The following SLC5A4 variants were observed in gnomAD, a reference collection of about 807,000 sequenced individuals.
SLC5A4 encodes probable glucose sensor protein SLC5A4.
SLC5A4 carries 55 observed loss-of-function variants against 70.3 expected under a neutral mutation model. The observed-to-expected ratio is 0.78, with a 90% CI of 0.63 to 0.98. The LOEUF (loss-of-function observed/expected upper bound fraction) is 0.98. Among genes scored for constraint, SLC5A4 ranks in the 50% least tolerant of loss-of-function variants. The probability of loss-of-function intolerance (pLI) is 0.00; values close to 1 mark genes in which losing one functional copy is unlikely to be tolerated. For synonymous variants in SLC5A4, 268 were observed against 305.7 expected (o/e 0.88, Z 1.29); for missense variants, 735 against 839.2 (o/e 0.88, Z 1.53).
the SLC5A4 span, among the ~76,000 whole-genome samples, chr22:32,289,921 T>C: frequency 6.6e-6 from 1 of 152,198 alleles, no homozygotes; most frequent in African/African-American, 2.4e-5. Context: ...CAAAAATGAA[T>C]TGAGGCCATT....
intron 13 of SLC5A4, among the ~76,000 whole-genome samples, chr22:32,221,276 T>C (rs1286458153): frequency 6.6e-6 from 1 of 152,238 alleles, no homozygotes; most frequent in Non-Finnish European, 1.5e-5. Context: ...TACCTACTTC[T>C]GGATTTGTAA....
chr22:32,334,268 G>A, the SLC5A4 span, among the ~76,000 whole-genome samples: 4 of 152,016 alleles, frequency 2.6e-5, no homozygotes, highest in African/African-American at 9.7e-5. Flanking sequence ...CTCTCCCCTG[G>A]TGCTGGCGTC....
chr22:32,237,895 A>G (rs1448941703), intron 6 of SLC5A4, among the ~76,000 whole-genome samples: 3 of 151,876 alleles, frequency 2.0e-5, no homozygotes, highest in South Asian at 4.2e-4. Flanking sequence ...TGAGAGTGTC[A>G]TGAGAAAATA....
At chr22:32,256,257 A>G (rs1927480523), upstream of SLC5A4, among the ~76,000 whole-genome samples, 1 of 152,104 alleles carries the variant, frequency 6.6e-6, no homozygotes, top group Non-Finnish European at 1.5e-5. Context: ...ATAGTGAGCC[A>G]TGATCACGCC....
chr22:32,305,949 C>T, the SLC5A4 span, among the ~76,000 whole-genome samples: 1 of 151,844 alleles, frequency 6.6e-6, no homozygotes, highest in African/African-American at 2.4e-5. Context: ...CGTCCACCTG[C>T]CATTGGCATT....
chr22:32,281,611 C>G, the SLC5A4 span, among the ~76,000 whole-genome samples: 1 of 152,226 alleles, frequency 6.6e-6, no homozygotes, highest in East Asian at 1.9e-4. Context: ...TCACTGCTGC[C>G]TGGAATTCCT....
chr22:32,292,306 T>C, the SLC5A4 span, among the ~76,000 whole-genome samples: 1 of 140,018 alleles, frequency 7.1e-6, no homozygotes, highest in Non-Finnish European at 1.5e-5. Context: ...CTAGATATTA[T>C]ATATATTTTT....
At chr22:32,324,278 T>TA in the SLC5A4 span, among the ~76,000 whole-genome samples, 1 of 151,656 alleles carries the variant, frequency 6.6e-6, no homozygotes, top group Non-Finnish European at 1.5e-5. Context: ...TATATATATA[T>TA]ACACACATAT....
the SLC5A4 span, among the ~76,000 whole-genome samples, chr22:32,306,188 G>A: frequency 5.9e-5 from 9 of 152,270 alleles, no homozygotes; most frequent in Middle Eastern, 3.4e-3. Context: ...TATATAGGCC[G>A]GGCGCGGTGG....
At chr22:32,338,096 CGAT>C in the SLC5A4 span, among the ~76,000 whole-genome samples, 15 of 152,062 alleles carry the variant, frequency 9.9e-5, no homozygotes, top group Non-Finnish European at 1.6e-4. Flanking sequence ...CTTAAATCAG[CGAT>C]GATATTGCTT....
At chr22:32,337,533 AAAAAGAAAAAAAAG>A in the SLC5A4 span, among the ~76,000 whole-genome samples, 3 of 147,898 alleles carry the variant, frequency 2.0e-5, no homozygotes, top group African/African-American at 7.3e-5. Context: ...GACTGTCTCC[AAAAAGAAAAAAAAG>A]AAAAGAAAAA....
the SLC5A4 span, among the ~76,000 whole-genome samples, chr22:32,338,394 G>A: frequency 1.4e-5 from 2 of 143,678 alleles, no homozygotes; most frequent in Non-Finnish European, 3.0e-5. Context: ...CACGCCTGTA[G>A]TTCTAGCACT....
the SLC5A4 span, among the ~76,000 whole-genome samples, chr22:32,346,509 T>C: frequency 2.0e-5 from 3 of 151,444 alleles, no homozygotes; most frequent in South Asian, 4.2e-4. Context: ...AAACGAGATA[T>C]AGACCAATGG....
chr22:32,341,733 A>G, the SLC5A4 span, among the ~76,000 whole-genome samples: 1 of 152,094 alleles, frequency 6.6e-6, no homozygotes, highest in Non-Finnish European at 1.5e-5. Context: ...CAACCTCTTC[A>G]TTTCCTACAC....
chr22:32,334,743 G>A, the SLC5A4 span, among the ~76,000 whole-genome samples: 22 of 152,334 alleles, frequency 1.4e-4, no homozygotes, highest in Non-Finnish European at 1.9e-4. Context: ...TGGGGAGGAC[G>A]TCAGCGGCAC....
At chr22:32,350,216 G>A in the SLC5A4 span, among the ~76,000 whole-genome samples, 1 of 152,234 alleles carries the variant, frequency 6.6e-6, no homozygotes, top group South Asian at 2.1e-4. Context: ...AAAGACTACC[G>A]AAATAATTCA....
chr22:32,220,521 GC>G (rs1453012671), intron 14 of SLC5A4, among the ~76,000 whole-genome samples: 1 of 152,162 alleles, frequency 6.6e-6, no homozygotes, highest in Non-Finnish European at 1.5e-5. Context: ...AGGGAGCTTG[GC>G]GCATGTGGAA....
chr22:32,326,604 G>T, the SLC5A4 span, among the ~76,000 whole-genome samples: 1 of 152,106 alleles, frequency 6.6e-6, no homozygotes, highest in African/African-American at 2.4e-5. Flanking sequence ...GAAAGGAGGA[G>T]ATGCTATTAA....
At chr22:32,226,507 G>A (rs980347014) in intron 11 of SLC5A4, among the ~76,000 whole-genome samples, 6 of 152,182 alleles carry the variant, frequency 3.9e-5, no homozygotes, top group Non-Finnish European at 8.8e-5. Flanking sequence ...AGCAGTTGTG[G>A]GGTGGAGGAA....
Sources: gnomAD v4.1 joint callset for allele counts (sites outside exome capture counted in the v4.1 genomes callset) on GRCh38, gnomAD v4.1.1 for gene constraint, MANE v1.5 for transcripts, NCBI Gene and HGNC (gene_info 2026-07-23, HGNC 2026-07-21) for gene names.